The following DYNLT4 variants were observed in gnomAD, a reference collection of about 807,000 sequenced individuals.
The protein encoded by DYNLT4 is Tctex1 domain containing 4.
In DYNLT4, 3 loss-of-function variants were observed where a neutral mutation model predicts 1.5. That is an observed-to-expected ratio of 1.97 (90% CI 0.90 to 5.08). The LOEUF (loss-of-function observed/expected upper bound fraction) is 5.08, where lower values mean the gene tolerates loss of function less well. Ranked by LOEUF, DYNLT4 falls within the 30% of genes most tolerant of loss-of-function variation. The pLI is 0.02. For synonymous variants in DYNLT4, 181 were observed against 160.0 expected, an observed-to-expected ratio of 1.13 and a Z score of -0.99; for missense variants, 346 against 341.0, an observed-to-expected ratio of 1.01 and a Z score of -0.12.
chr1:44,806,453 C>G lies in DYNLT4; in HGVS notation c.216G>C (p.Ala72=), dbSNP rs77270997. 3 of 1,523,416 alleles carry G rather than the reference C, an allele frequency of 2.0e-6. No homozygotes were observed. The highest frequency in any genetic ancestry group is 1.4e-5 in the African/African-American group (1 of 70,536). The allele number at this position is 1,523,416 out of a possible 1,614,324, so 94.4% of individuals were successfully genotyped here. A position where few individuals can be genotyped will look rare whatever the true frequency, so the allele number is the denominator to read the frequency against. ...GGGATGGCCGCTGACCCCCAGGACC[C>G]GCGCCTGGCCCGACCAGCGAGTTGC... ...SRRNSLVGPG[A]GPGGQRPSLG... Residue 72 remains alanine (A), a synonymous_variant, in exon 3 of 3, where the codon GCG becomes GCC. Transcript: ENST00000339355.
chr1:44,806,876 G>A, intron 1 of DYNLT4, 38 bp from the exon 2 acceptor site: 2 of 985,460 alleles, frequency 2.0e-6, no homozygotes, highest in South Asian at 4.7e-5. Context: ...ATGAGCAGGG[G>A]ACAGGAGGCT....
Position 44,806,420 on chromosome 1 carries a change from C to T in DYNLT4, c.249G>A (p.Pro83=), listed in dbSNP as rs1311039469. 2 of 1,515,678 alleles carry T rather than the reference C, an allele frequency of 1.3e-6. No homozygotes were observed. The highest frequency in any genetic ancestry group is 1.4e-5 in the African/African-American group (1 of 69,742). 93.9% of individuals were successfully genotyped at this position (1,515,678 alleles called of 1,614,324 possible). Residue 83 remains proline (P), a synonymous_variant, in exon 3 of 3, where the codon CCG becomes CCA. Coordinates refer to ENST00000339355, the MANE Select transcript of DYNLT4 (RefSeq NM_001377534.1). The part of the protein sequence containing the change: ...GPGGQRPSLG[P]VPPLGSRVSF... ...TGACCCTTGAGCCCAGAGGGGGCAC[C>T]GGGCCCAGGGATGGCCGCTGACCCC... is the stretch of plus-strand genomic sequence containing the variant.
Position 44,806,505 on chromosome 1 carries a change from A to C in DYNLT4, c.164T>G (p.Leu55Arg). ...PAPASRRGSM[L>R]GLAASFSRRN... is the part of the protein sequence containing the mutation. Reference sequence around the variant, plus strand: ...GCGGGAGAAGGACGCGGCCAGGCCCAGCATGGAGCCCCGGCGCGAGGCCGG... The same window carrying C: ...GCGGGAGAAGGACGCGGCCAGGCCCCGCATGGAGCCCCGGCGCGAGGCCGG... The change falls in exon 3 of 3, where the codon CTG becomes CGG. Residue 55 changes from leucine (L) to arginine (R), a missense_variant. Coordinates refer to ENST00000339355, the MANE Select transcript of DYNLT4 (RefSeq NM_001377534.1). 1 of 1,506,844 alleles carries C rather than the reference A, an allele frequency of 6.6e-7. No individual in the cohort carries two copies. The highest frequency in any genetic ancestry group is 1.2e-5 in the South Asian group (1 of 80,760). The allele number at this position is 1,506,844 out of a possible 1,614,324, so 93.3% of individuals were successfully genotyped here.
chr1:44,807,025 C>A (rs577174705), intron 1 of DYNLT4, 187 bp from the exon 2 acceptor site: 3 of 985,286 alleles, frequency 3.0e-6, no homozygotes, highest in Non-Finnish European at 3.6e-6. Flanking sequence ...GAGAGGCAGG[C>A]CTCTGCCTCA....
Position 44,806,214 on chromosome 1 carries a change from A to G in DYNLT4, c.455T>C (p.Leu152Pro), listed in dbSNP as rs1277230188. The change falls in exon 3 of 3, where the codon CTC becomes CCC. Residue 152 changes from leucine to proline, a missense_variant. Physicochemically the swap from Leu to Pro is moderately conservative, Grantham distance 98. Coordinates refer to ENST00000339355, the MANE Select transcript of DYNLT4 (RefSeq NM_001377534.1). ...SDEAARLVRELCEQVHVRLRE... is the reference protein window; with the variant it reads ...SDEAARLVREPCEQVHVRLRE... ...CAGGCGAACGTGCACCTGCTCGCAG[A>G]GCTCCCGCACCAGCCGCGCGGCCTC... The G allele has an allele frequency of 1.3e-6, 2 of 1,540,200 alleles. No homozygotes were observed. The highest frequency in any genetic ancestry group is 1.7e-6 in the Non-Finnish European group (2 of 1,146,768).
Position 44,806,145 on chromosome 1 carries a change from A to G in DYNLT4, c.524T>C (p.Val175Ala), listed in dbSNP as rs754889227. 4 of 1,593,112 alleles carry G rather than the reference A, an allele frequency of 2.5e-6. No individual in the cohort carries two copies. The highest frequency in any genetic ancestry group is 3.4e-6 in the Non-Finnish European group (4 of 1,171,490). ...PPRYKLVCSV[V>A]LGPRAGQGVH... ...GCCCTGGCCCGCGCGCGGCCCCAGC[A>G]CCACACTGCATACCAGCTTGTAGCG... Residue 175 changes from valine to alanine, a missense_variant, in exon 3 of 3, where the codon GTG becomes GCG. By Grantham distance (64) the Val-to-Ala change is moderately conservative (BLOSUM62 0). Transcript: ENST00000339355.
Position 44,806,078 on chromosome 1 carries a change from A to G in DYNLT4, c.591T>C (p.Asp197=). Residue 197 remains aspartate (D), a synonymous_variant, in exon 3 of 3, where the codon GAT becomes GAC. Coordinates refer to ENST00000339355, the MANE Select transcript of DYNLT4 (RefSeq NM_001377534.1). Reference sequence around the variant, plus strand: ...TGGTGTAGGAGACCGAGGCCAGCCCATCGCGCGCCACGTCCCAGAGCGCAC... The same window carrying G: ...TGGTGTAGGAGACCGAGGCCAGCCCGTCGCGCGCCACGTCCCAGAGCGCAC... ...VSRALWDVAR[D]GLASVSYTNT... is the part of the protein sequence containing the mutation. The G allele has an allele frequency of 6.2e-7, 1 of 1,605,642 alleles. No homozygotes were observed. Among genetic ancestry groups the G allele is most frequent in the Non-Finnish European group, 8.5e-7 (1 of 1,175,856 alleles).
At position 44,805,944 on chromosome 1, in the gene DYNLT4, G is replaced by C; in HGVS notation, c.*59C>G. 1 of 1,502,856 alleles carries C rather than the reference G, an allele frequency of 6.7e-7. No individual in the cohort carries two copies. The highest frequency in any genetic ancestry group is 1.4e-5 in the South Asian group (1 of 73,678). 93.1% of individuals were successfully genotyped at this position (1,502,856 alleles called of 1,614,324 possible). A position where few individuals can be genotyped will look rare whatever the true frequency, so the allele number is the denominator to read the frequency against. On this transcript the variant is annotated 3_prime_UTR_variant, in exon 3 of 3. Transcript: ENST00000339355. ...GTCAGACACTTATTTATTGGGATGT[G>C]AGCCCCAGGGGGGCCTCCTCCTAGG...
At position 44,806,505 on chromosome 1, in the gene DYNLT4, A is replaced by AGCATGGAGCCCCGGC. The variant is rs1553162110; in HGVS notation, c.149_163dup (p.Arg50_Met54dup). The AGCATGGAGCCCCGGC allele has an allele frequency of 2.7e-6, 4 of 1,506,730 alleles. No individual in the cohort carries two copies. Among genetic ancestry groups the AGCATGGAGCCCCGGC allele is most frequent in the Non-Finnish European group, 3.5e-6 (4 of 1,134,802 alleles). 93.3% of individuals were successfully genotyped at this position (1,506,730 alleles called of 1,614,324 possible). On this transcript the variant is annotated inframe_insertion, in exon 3 of 3. Transcript: ENST00000339355. ...GCGGGAGAAGGACGCGGCCAGGCCCAGCATGGAGCCCCGGCGCGAGGCCGG... is the reference window on the plus strand; with the variant it reads ...GCGGGAGAAGGACGCGGCCAGGCCCAGCATGGAGCCCCGGCGCATGGAGCCCCGGCGCGAGGCCGG...
rs996986279 is a variant in DYNLT4 at position 44,806,527 on chromosome 1, C to G, written c.142G>C (p.Ala48Pro). The change falls in exon 3 of 3, where the codon GCC becomes CCC. Residue 48 changes from alanine to proline, a missense_variant. Transcript: ENST00000339355. The stretch of plus-strand genomic sequence containing the variant: ...CCCAGCATGGAGCCCCGGCGCGAGG[C>G]CGGGGCTGGACCTGGACCTGCCGGT... Reference protein sequence around the residue: ...ARPAGPGPAPASRRGSMLGLA... With the variant: ...ARPAGPGPAPPSRRGSMLGLA... 6.7e-7 allele frequency: 1 copy of G among 1,496,452 alleles called. No homozygotes were observed. The highest frequency in any genetic ancestry group is 8.8e-7 in the Non-Finnish European group (1 of 1,130,356). The allele number at this position is 1,496,452 out of a possible 1,614,324, so 92.7% of individuals were successfully genotyped here.
In DYNLT4 at chr1:44,806,623, C is replaced by T; in HGVS notation, c.46G>A (p.Ala16Thr). 1 of 1,469,538 alleles carries T rather than the reference C, an allele frequency of 6.8e-7. No homozygotes were observed. The highest frequency in any genetic ancestry group is 2.7e-5 in the Admixed American group (1 of 37,132). The allele number at this position is 1,469,538 out of a possible 1,614,324, so 91.0% of individuals were successfully genotyped here. ...GAGGGTTTCCGCCCGGAGTCTTTGG[C>T]ATTCTCCTCCTCCTGGCGTCCCGGG... Reference protein sequence around the residue: ...LPPGRQEEENAKDSGRKPSPV... With the variant: ...LPPGRQEEENTKDSGRKPSPV... Residue 16 changes from alanine to threonine, a missense_variant, in exon 3 of 3, where the codon GCC becomes ACC. Physicochemically the swap from Ala to Thr is moderately conservative, Grantham distance 58. Coordinates refer to ENST00000339355, the MANE Select transcript of DYNLT4 (RefSeq NM_001377534.1).
rs1271427247 is a variant in DYNLT4 at position 44,806,257 on chromosome 1, C to T, written c.412G>A (p.Ala138Thr). The change falls in exon 3 of 3, where the codon GCG becomes ACG. Residue 138 changes from alanine to threonine, a missense_variant. Coordinates refer to ENST00000339355, the MANE Select transcript of DYNLT4 (RefSeq NM_001377534.1). ...GCGGCCTCGTCGCTGGAGTAGCACG[C>T]GTCGTGCAGCCCTGCGGCCAGCGCC... Reference protein sequence around the residue: ...EAALAAGLHDACYSSDEAARL... With the variant: ...EAALAAGLHDTCYSSDEAARL... 2 of 1,517,510 alleles carry T rather than the reference C, an allele frequency of 1.3e-6. No homozygotes were observed. Among genetic ancestry groups the T allele is most frequent in the Non-Finnish European group, 1.8e-6 (2 of 1,135,810 alleles). The allele number at this position is 1,517,510 out of a possible 1,614,324, so 94.0% of individuals were successfully genotyped here.
Position 44,806,120 on chromosome 1 carries a change from G to A in DYNLT4, c.549C>T (p.Gly183=), listed in dbSNP as rs1218992827. ...AGAGCGCACGGCTGACCACGTGAACGCCCTGGCCCGCGCGCGGCCCCAGCA... is the reference window on the plus strand; with the variant it reads ...AGAGCGCACGGCTGACCACGTGAACACCCTGGCCCGCGCGCGGCCCCAGCA... ...SVVLGPRAGQ[G]VHVVSRALWD... Residue 183 remains glycine (G), a synonymous_variant, in exon 3 of 3, where the codon GGC becomes GGT. Transcript: ENST00000339355. The A allele has an allele frequency of 6.2e-7, 1 of 1,604,692 alleles. No homozygotes were observed. The highest frequency in any genetic ancestry group is 8.5e-7 in the Non-Finnish European group (1 of 1,176,546).
intron 2 of DYNLT4, 49 bp downstream of exon 2, chr1:44,806,735 C>G (rs1652123695): frequency 2.2e-6 from 3 of 1,394,510 alleles, no homozygotes; most frequent in South Asian, 3.3e-5. Flanking sequence ...CCCACCCCAG[C>G]CTCTTGCTCA....
Position 44,806,218 on chromosome 1 carries a change from C to G in DYNLT4, c.451G>C (p.Glu151Gln). The G allele has an allele frequency of 6.5e-7, 1 of 1,536,610 alleles. No homozygotes were observed. The highest frequency in any genetic ancestry group is 2.4e-5 in the East Asian group (1 of 40,928). Residue 151 changes from glutamate to glutamine, a missense_variant, in exon 3 of 3, where the codon GAG becomes CAG. By Grantham distance (29) the Glu-to-Gln change is conservative. Coordinates refer to ENST00000339355, the MANE Select transcript of DYNLT4 (RefSeq NM_001377534.1). ...SSDEAARLVR[E>Q]LCEQVHVRLR... The stretch of plus-strand genomic sequence containing the variant: ...CGAACGTGCACCTGCTCGCAGAGCT[C>G]CCGCACCAGCCGCGCGGCCTCGTCG...
chr1:44,806,808 G>A lies in DYNLT4; in HGVS notation c.-36C>T. 3.7e-6 allele frequency: 5 copies of A among 1,339,532 alleles called. No individual in the cohort carries two copies. Among genetic ancestry groups the A allele is most frequent in the Non-Finnish European group, 4.8e-6 (5 of 1,052,034 alleles). The allele number at this position is 1,339,532 out of a possible 1,614,324, so 83.0% of individuals were successfully genotyped here. ...CCTGTGTTTTAGAACAAGTGGATCA[G>A]ATAGTCCCAGGCTGCCTGGGTTCCT... is the stretch of plus-strand genomic sequence containing the variant. On this transcript the variant is annotated 5_prime_UTR_variant, in exon 2 of 3. Transcript: ENST00000339355.
At position 44,806,919 on chromosome 1, in the gene DYNLT4, G is replaced by A. The variant is rs1024213895; in HGVS notation, c.-66-81C>T. 6 of 985,288 alleles carry A rather than the reference G, an allele frequency of 6.1e-6. No individual in the cohort carries two copies. In the Admixed American group the frequency reaches 3.1e-4, roughly 50 times the overall value. 61.0% of individuals were successfully genotyped at this position (985,288 alleles called of 1,614,324 possible). ...CTGGGATCCTCGGCTAGTCCTTGCC[G>A]ACTGAGCTCCTTCTCTGGGCACTAT... On this transcript the variant is annotated intron_variant, in intron 1 of 2. Coordinates refer to ENST00000339355, the MANE Select transcript of DYNLT4 (RefSeq NM_001377534.1).
In DYNLT4 at chr1:44,806,532, G is replaced by A; in HGVS notation, c.137C>T (p.Ala46Val). 6.7e-7 allele frequency: 1 copy of A among 1,498,800 alleles called. No homozygotes were observed. The highest frequency in any genetic ancestry group is 8.8e-7 in the Non-Finnish European group (1 of 1,130,612). The allele number at this position is 1,498,800 out of a possible 1,614,324, so 92.8% of individuals were successfully genotyped here. A position where few individuals can be genotyped will look rare whatever the true frequency, so the allele number is the denominator to read the frequency against. The change falls in exon 3 of 3, where the codon GCC becomes GTC. Residue 46 changes from alanine to valine, a missense_variant. Coordinates refer to ENST00000339355, the MANE Select transcript of DYNLT4 (RefSeq NM_001377534.1). ...DEARPAGPGP[A>V]PASRRGSMLG... ...CATGGAGCCCCGGCGCGAGGCCGGG[G>A]CTGGACCTGGACCTGCCGGTCGGGC...
At position 44,806,158 on chromosome 1, in the gene DYNLT4, C is replaced by G. The variant is rs1652056289; in HGVS notation, c.511G>C (p.Val171Leu). ...RELSPPRYKL[V>L]CSVVLGPRAG... is the part of the protein sequence containing the mutation. The stretch of plus-strand genomic sequence containing the variant: ...CGCGGCCCCAGCACCACACTGCATA[C>G]CAGCTTGTAGCGTGGCGGGCTGAGC... Residue 171 changes from valine to leucine, a missense_variant, in exon 3 of 3, where the codon GTA becomes CTA. Coordinates refer to ENST00000339355, the MANE Select transcript of DYNLT4 (RefSeq NM_001377534.1). 6.3e-7 allele frequency: 1 copy of G among 1,586,158 alleles called. No individual in the cohort carries two copies. Among genetic ancestry groups the G allele is most frequent in the African/African-American group, 1.3e-5 (1 of 74,704 alleles).
Sources: gnomAD v4.1 joint callset for allele counts on GRCh38, gnomAD v4.1.1 for gene constraint, MANE v1.5 for transcripts, NCBI Gene and HGNC (gene_info 2026-07-23, HGNC 2026-07-21) for gene names.